The following RABGAP1L variants were observed in gnomAD, a reference collection of about 807,000 sequenced individuals.
RABGAP1L encodes the protein rab GTPase-activating protein 1-like.
In RABGAP1L, 63 loss-of-function variants were observed where a neutral mutation model predicts 137.7. That is an observed-to-expected ratio of 0.46 (90% CI 0.37 to 0.56). RABGAP1L has a LOEUF of 0.56. Ranked by LOEUF, RABGAP1L falls within the 20% of genes least tolerant of loss-of-function variation. The pLI is 0.00. For missense variants in RABGAP1L, 1,095 were observed against 1,244.0 expected (o/e 0.88, Z 1.80); for synonymous variants, 431 against 433.7 (o/e 0.99, Z 0.08).
chr1:174,966,544 C>T (rs1669643128), intron 20 of RABGAP1L, among the ~76,000 whole-genome samples: 2 of 152,126 alleles, frequency 1.3e-5, no homozygotes, highest in Admixed American at 6.5e-5. Context: ...TAAAGGCTAA[C>T]TCTCCAGCCC....
At chr1:174,693,580 C>CT (rs900045109) in intron 15 of RABGAP1L, among the ~76,000 whole-genome samples, 6 of 150,824 alleles carry the variant, frequency 4.0e-5, no homozygotes, top group African/African-American at 9.7e-5. Context: ...CATCACTTTT[C>CT]TTTTTTTTTG....
intron 12 of RABGAP1L, among the ~76,000 whole-genome samples, chr1:174,371,482 A>G (rs1239312123): frequency 6.6e-6 from 1 of 151,954 alleles, no homozygotes; most frequent in Non-Finnish European, 1.5e-5. Flanking sequence ...AGAATTTCTC[A>G]TTTTACGCTG....
At chr1:174,658,473 A>G (rs1183923897) in intron 14 of RABGAP1L, among the ~76,000 whole-genome samples, 1 of 152,128 alleles carries the variant, frequency 6.6e-6, no homozygotes, top group Non-Finnish European at 1.5e-5. Flanking sequence ...TGTAGCTCCC[A>G]TTATCCTTAA....
At chr1:174,786,104 G>A (rs938986926) in intron 18 of RABGAP1L, among the ~76,000 whole-genome samples, 3 of 152,292 alleles carry the variant, frequency 2.0e-5, no homozygotes, top group Admixed American at 2.0e-4. Context: ...AACTTGTAGA[G>A]GAGGAGTGTG....
chr1:174,686,732 A>T (rs1023107533), intron 15 of RABGAP1L, among the ~76,000 whole-genome samples: 1 of 144,202 alleles, frequency 6.9e-6, no homozygotes, highest in African/African-American at 2.5e-5. Flanking sequence ...TCTCAGCTCA[A>T]TGAAACCTCC....
intron 13 of RABGAP1L, among the ~76,000 whole-genome samples, chr1:174,483,732 C>A (rs1324495055): frequency 6.6e-6 from 1 of 151,348 alleles, no homozygotes; most frequent in Non-Finnish European, 1.5e-5. Flanking sequence ...GAGACTGAGG[C>A]AGGAGAATCA....
intron 13 of RABGAP1L, among the ~76,000 whole-genome samples, chr1:174,481,881 TAAA>T (rs1166772879): frequency 1.7e-5 from 1 of 59,746 alleles, no homozygotes; most frequent in African/African-American, 4.9e-5. Context: ...TAATAAAAAA[TAAA>T]AAAAAAAAGA....
chr1:174,394,969 CTT>C (rs199887242), intron 13 of RABGAP1L, among the ~76,000 whole-genome samples: 1 of 142,450 alleles, frequency 7.0e-6, no homozygotes, highest in Admixed American at 7.0e-5. Flanking sequence ...TTTAATTTAA[CTT>C]TTTTTTTTTA....
intron 10 of RABGAP1L, among the ~76,000 whole-genome samples, chr1:174,303,796 A>G (rs1034395887): frequency 2.6e-5 from 4 of 152,210 alleles, no homozygotes; most frequent in African/African-American, 9.6e-5. Context: ...CTATTGTACA[A>G]TTTTGTACTA....
intron 13 of RABGAP1L, among the ~76,000 whole-genome samples, chr1:174,409,293 A>G (rs1197101949): frequency 6.6e-6 from 1 of 152,182 alleles, no homozygotes; most frequent in African/African-American, 2.4e-5. Flanking sequence ...CTGAACATAA[A>G]TTGTGAAGAT....
At chr1:174,588,956 G>T (rs1669340463) in intron 13 of RABGAP1L, among the ~76,000 whole-genome samples, 1 of 152,118 alleles carries the variant, frequency 6.6e-6, no homozygotes, top group Non-Finnish European at 1.5e-5. Flanking sequence ...ATTCTTTTGT[G>T]AATATACCTA....
chr1:174,896,737 A>G (rs1453509021), intron 19 of RABGAP1L, among the ~76,000 whole-genome samples: 1 of 152,144 alleles, frequency 6.6e-6, no homozygotes, highest in Non-Finnish European at 1.5e-5. Flanking sequence ...TTTGTCAAAG[A>G]TCAGATGGTT....
At chr1:174,441,104 T>G (rs1446783110) in intron 13 of RABGAP1L, among the ~76,000 whole-genome samples, 2 of 150,712 alleles carry the variant, frequency 1.3e-5, no homozygotes, top group Admixed American at 6.6e-5. Flanking sequence ...AATAAAAAAT[T>G]AAATGCCTGT....
chr1:174,976,131 G>T lies in RABGAP1L; in HGVS notation c.2598G>T (p.Arg866Ser). 6.4e-7 allele frequency: 1 copy of T among 1,551,138 alleles called. No individual in the cohort carries two copies. Among genetic ancestry groups the T allele is most frequent in the Non-Finnish European group, 8.7e-7 (1 of 1,147,108 alleles). ...AAGAGCTCCTTTTGACCAAACAGAG[G>T]CTGGTGGAGACTGAAGAGGAGAAGA... ...LNKELLLTKQ[R>S]LVETEEEKRK... The change falls in exon 22 of 26, where the codon AGG becomes AGT. Residue 866 changes from arginine to serine, a missense_variant. This residue lies in a region of RABGAP1L where 312 missense variants were observed against 435.6 expected (regional missense o/e 0.72). Coordinates refer to ENST00000681986, the MANE Select transcript of RABGAP1L (RefSeq NM_001366446.1).
At chr1:174,437,431 T>C (rs1358386378) in intron 13 of RABGAP1L, among the ~76,000 whole-genome samples, 1 of 152,116 alleles carries the variant, frequency 6.6e-6, no homozygotes, top group Non-Finnish European at 1.5e-5. Flanking sequence ...TGCACGAGCC[T>C]CAGTAACCGA....
chr1:174,988,010 C>T (rs761964168), intron 24 of RABGAP1L, among the ~76,000 whole-genome samples: 3 of 152,090 alleles, frequency 2.0e-5, no homozygotes, highest in Non-Finnish European at 2.9e-5. Flanking sequence ...GAGGTTTCAC[C>T]GTGTTAGCCA....
At chr1:174,257,160 C>A (rs964241491) in intron 7 of RABGAP1L, among the ~76,000 whole-genome samples, 7 of 152,156 alleles carry the variant, frequency 4.6e-5, no homozygotes, top group Admixed American at 4.6e-4. Context: ...ATGCCTGCAT[C>A]ATTTTTTTGA....
intron 19 of RABGAP1L, among the ~76,000 whole-genome samples, chr1:174,876,909 C>T (rs1368877039): frequency 6.6e-6 from 1 of 151,374 alleles, no homozygotes; most frequent in East Asian, 1.9e-4. Flanking sequence ...TTTCAGACTT[C>T]AGGAGATCAC....
chr1:174,614,847 C>T (rs1206545435), intron 13 of RABGAP1L, among the ~76,000 whole-genome samples: 2 of 152,304 alleles, frequency 1.3e-5, no homozygotes, highest in Middle Eastern at 3.4e-3. Context: ...ATCACTGATA[C>T]CCTTTCTTCC....
Sources: allele counts gnomAD v4.1 joint callset (sites outside exome capture counted in the v4.1 genomes callset), GRCh38; gene constraint gnomAD v4.1.1; regional missense constraint gnomAD v4.1.1; transcripts MANE v1.5; gene names NCBI Gene and HGNC (gene_info 2026-07-23, HGNC 2026-07-21).